OSTN: variants seen among roughly 807,000 people sequenced by gnomAD.
The protein encoded by OSTN is osteocrin.
In OSTN, 9 loss-of-function variants were observed where a neutral mutation model predicts 12.0. That is an observed-to-expected ratio of 0.75 (90% CI 0.45 to 1.30). OSTN has a LOEUF of 1.30. OSTN is among the 50% of genes most tolerant of loss of function. The pLI, the probability that OSTN is intolerant of heterozygous loss-of-function variation, is 0.00. For synonymous variants in OSTN, 59 were observed against 56.9 expected (o/e 1.04, Z -0.16); for missense variants, 148 against 152.3 (o/e 0.97, Z 0.15).
intron 4 of OSTN, among the ~76,000 whole-genome samples, chr3:191,256,226 G>C (rs1715666645): frequency 6.6e-6 from 1 of 151,992 alleles, no homozygotes; most frequent in South Asian, 2.1e-4. Flanking sequence ...TACAATTTTA[G>C]AACACATCTT....
Position 191,250,503 on chromosome 3 carries a change from A to G in OSTN, c.*12+370A>G, listed in dbSNP as rs185696902. Among the ~76,000 whole-genome samples, 5 of 152,344 alleles carry G rather than the reference A, an allele frequency of 3.3e-5. No individual in the cohort carries two copies. In the East Asian group the frequency reaches 9.6e-4, roughly 29 times the overall value. On this transcript the variant is annotated intron_variant, in intron 4 of 4. Transcript: ENST00000682035. Reference sequence around the variant, plus strand: ...TTGCGTTATGAAGAAGACACATTCAAGTGATACACATCATTTTGTTGTCAA... The same window carrying G: ...TTGCGTTATGAAGAAGACACATTCAGGTGATACACATCATTTTGTTGTCAA...
intron 1 of OSTN, among the ~76,000 whole-genome samples, chr3:191,200,085 A>T (rs538197786): frequency 2.2e-4 from 33 of 152,302 alleles, no homozygotes; most frequent in Admixed American, 2.0e-3. Flanking sequence ...CCTTCTAAAA[A>T]TTTAACATTT....
intron 2 of OSTN, among the ~76,000 whole-genome samples, chr3:191,214,460 A>AAG (rs1714552704): frequency 1.4e-5 from 2 of 140,904 alleles, no homozygotes; most frequent in East Asian, 2.2e-4. Context: ...AAAAAAAAAA[A>AAG]AACAGCAACA....
intron 2 of OSTN, among the ~76,000 whole-genome samples, chr3:191,216,596 G>C (rs985574295): frequency 3.9e-5 from 6 of 152,148 alleles, no homozygotes; most frequent in Non-Finnish European, 7.4e-5. Context: ...CTCATATTTT[G>C]AATGCTTTGC....
chr3:191,246,031 C>T (rs1025968650), intron 3 of OSTN, among the ~76,000 whole-genome samples: 25 of 127,118 alleles, frequency 2.0e-4, no homozygotes, highest in African/African-American at 6.7e-4. Flanking sequence ...TGTGCCATTG[C>T]ACTCCAGCCT....
intron 4 of OSTN, among the ~76,000 whole-genome samples, chr3:191,257,268 C>G (rs952528636): frequency 1.0e-4 from 15 of 149,588 alleles, no homozygotes; most frequent in African/African-American, 2.7e-4. Context: ...AAAACATACT[C>G]TACTTCCTTA....
At chr3:191,208,079 T>C (rs1423364988) in intron 1 of OSTN, among the ~76,000 whole-genome samples, 1 of 152,244 alleles carries the variant, frequency 6.6e-6, no homozygotes, top group Non-Finnish European at 1.5e-5. Flanking sequence ...GGTCGCTGTT[T>C]CTTTTGAAAC....
intron 3 of OSTN, among the ~76,000 whole-genome samples, chr3:191,243,573 G>T (rs1389518342): frequency 6.6e-6 from 1 of 152,118 alleles, no homozygotes; most frequent in African/African-American, 2.4e-5. Flanking sequence ...ATGGAGCTAT[G>T]ATTGACAATA....
At chr3:191,230,661 A>G (rs1715031735) in intron 3 of OSTN, among the ~76,000 whole-genome samples, 1 of 152,078 alleles carries the variant, frequency 6.6e-6, no homozygotes, top group African/African-American at 2.4e-5. Flanking sequence ...GGGACAAGAA[A>G]TGAAATTGGG....
intron 1 of OSTN, among the ~76,000 whole-genome samples, chr3:191,203,444 C>A (rs772680432): frequency 2.0e-5 from 3 of 151,920 alleles, no homozygotes; most frequent in Non-Finnish European, 4.4e-5. Context: ...AGATTAGTAG[C>A]ATTAATCACA....
chr3:191,255,042 G>A (rs1715640560), intron 4 of OSTN, among the ~76,000 whole-genome samples: 1 of 152,152 alleles, frequency 6.6e-6, no homozygotes, highest in South Asian at 2.1e-4. Flanking sequence ...CTGGTTTCCT[G>A]GAAGACAATT....
At position 191,212,569 on chromosome 3, in the gene OSTN, C is replaced by T. The variant is rs758748947; in HGVS notation, c.37C>T (p.Leu13=). 3 of 1,596,800 alleles carry T rather than the reference C, an allele frequency of 1.9e-6. No homozygotes were observed. In the East Asian group the frequency reaches 6.7e-5, roughly 36 times the overall value. ...GAGATTGGCAAGTGCACATTTCATC[C>T]TGGCTGTGACACTGACACTGTGGAG... ...DWRLASAHFI[L]AVTLTLWSSG... is the part of the protein sequence containing the mutation. The change falls in exon 2 of 5, where the codon CTG becomes TTG. Residue 13 remains leucine (L), a synonymous_variant. Transcript: ENST00000682035.
At chr3:191,203,453 CA>C (rs1456618251) in intron 1 of OSTN, among the ~76,000 whole-genome samples, 9 of 151,954 alleles carry the variant, frequency 5.9e-5, no homozygotes, top group African/African-American at 2.2e-4. Context: ...GCATTAATCA[CA>C]AATCCAAATA....
At chr3:191,257,951 C>T (rs918826910) in intron 4 of OSTN, among the ~76,000 whole-genome samples, 1 of 152,188 alleles carries the variant, frequency 6.6e-6, no homozygotes, top group Non-Finnish European at 1.5e-5. Flanking sequence ...ATAGCATACA[C>T]ATCTGCACAT....
At chr3:191,212,510 A>G (rs1309861269) in intron 1 of OSTN, 23 bp from the exon 2 acceptor site, 4 of 1,488,792 alleles carry the variant, frequency 2.7e-6, no homozygotes, top group Admixed American at 1.8e-5. Context: ...ATCAATGCTA[A>G]CTATGACATA....
chr3:191,227,134 C>T (rs1365727634), intron 3 of OSTN, among the ~76,000 whole-genome samples: 2 of 143,748 alleles, frequency 1.4e-5, no homozygotes, highest in Non-Finnish European at 3.2e-5. Context: ...AATAAAGAAC[C>T]TTGAAAAATA....
intron 4 of OSTN, 24 bp downstream of exon 4, chr3:191,250,157 C>A: frequency 6.8e-7 from 1 of 1,465,700 alleles, no homozygotes; most frequent in Non-Finnish European, 9.6e-7. Context: ...GAATAAGTAA[C>A]AGTATATGCA....
intron 1 of OSTN, among the ~76,000 whole-genome samples, chr3:191,205,952 A>C (rs1380165914): frequency 3.3e-5 from 5 of 152,188 alleles, no homozygotes; most frequent in Non-Finnish European, 7.4e-5. Flanking sequence ...TGGGAGGCTG[A>C]GGCGAGTGGA....
intron 4 of OSTN, among the ~76,000 whole-genome samples, chr3:191,260,960 G>T (rs570474330): frequency 1.3e-5 from 2 of 152,120 alleles, no homozygotes; most frequent in Non-Finnish European, 2.9e-5. Flanking sequence ...TCTTTGTCTC[G>T]CATTAATCAA....
Sources: gnomAD v4.1 joint callset for allele counts (sites outside exome capture counted in the v4.1 genomes callset) on GRCh38, gnomAD v4.1.1 for gene constraint, MANE v1.5 for transcripts, NCBI Gene and HGNC (gene_info 2026-07-23, HGNC 2026-07-21) for gene names.